Variants in GALNTL6 observed in about 807,000 individuals in gnomAD.
GALNTL6 encodes the protein polypeptide N-acetylgalactosaminyltransferase-like 6.
A neutral mutation model predicts 73.7 loss-of-function variants in GALNTL6; 46 were observed. That is an observed-to-expected ratio of 0.62 (90% CI 0.49 to 0.80). The LOEUF (loss-of-function observed/expected upper bound fraction) is 0.80. GALNTL6 is among the 30% of genes least tolerant of loss of function. The probability of loss-of-function intolerance (pLI) is 0.00; values close to 1 mark genes in which losing one functional copy is unlikely to be tolerated. For synonymous variants in GALNTL6, 259 were observed against 263.7 expected (o/e 0.98, Z 0.17); for missense variants, 604 against 755.0 (o/e 0.80, Z 2.34).
intron 2 of GALNTL6, among the ~76,000 whole-genome samples, chr4:171,829,648 A>G (rs904765571): frequency 5.3e-5 from 8 of 151,988 alleles, no homozygotes; most frequent in African/African-American, 1.7e-4. Flanking sequence ...CTAATCTCCC[A>G]TGTTTGCATT....
chr4:172,493,491 G>T (rs1182885146), intron 5 of GALNTL6, among the ~76,000 whole-genome samples: 1 of 152,150 alleles, frequency 6.6e-6, no homozygotes, highest in East Asian at 1.9e-4. Flanking sequence ...GAAGGTTACA[G>T]ATTCGTTTCC....
intron 5 of GALNTL6, among the ~76,000 whole-genome samples, chr4:172,466,230 T>G (rs1311243971): frequency 1.3e-5 from 2 of 152,198 alleles, no homozygotes; most frequent in African/African-American, 4.8e-5. Context: ...AAAAAGCGTT[T>G]CTTTTACATA....
At chr4:172,541,293 T>C (rs1298133827) in intron 5 of GALNTL6, among the ~76,000 whole-genome samples, 2 of 152,230 alleles carry the variant, frequency 1.3e-5, no homozygotes, top group East Asian at 3.8e-4. Context: ...GTTAGTCTTA[T>C]GATCTCTATT....
chr4:172,259,867 C>G (rs1738198784), intron 3 of GALNTL6, among the ~76,000 whole-genome samples: 1 of 151,626 alleles, frequency 6.6e-6, no homozygotes, highest in Non-Finnish European at 1.5e-5. Context: ...ACTATGGTAT[C>G]CTTTCCCTAA....
intron 2 of GALNTL6, among the ~76,000 whole-genome samples, chr4:171,839,468 C>T (rs745757145): frequency 1.6e-4 from 25 of 152,012 alleles, no homozygotes; most frequent in Non-Finnish European, 1.5e-4. Flanking sequence ...AAATTTATGT[C>T]TCTTTTCTAC....
At chr4:172,026,246 T>G (rs1741573125) in intron 2 of GALNTL6, among the ~76,000 whole-genome samples, 1 of 152,108 alleles carries the variant, frequency 6.6e-6, no homozygotes. Context: ...CATATTTTTA[T>G]GCTATTCTAG....
intron 5 of GALNTL6, among the ~76,000 whole-genome samples, chr4:172,807,767 A>G (rs1741050232): frequency 2.0e-5 from 3 of 152,278 alleles, no homozygotes; most frequent in South Asian, 4.1e-4. Context: ...AGAGGGGAAC[A>G]TATTTTGAGC....
chr4:172,374,106 A>T (rs112477907), intron 5 of GALNTL6, among the ~76,000 whole-genome samples: 19,680 of 152,092 alleles, frequency 0.13, 1,239 homozygotes, highest in East Asian at 0.17. Flanking sequence ...CATAGTGGAC[A>T]TGGACGATGG....
intron 2 of GALNTL6, among the ~76,000 whole-genome samples, chr4:172,084,307 A>G (rs551068495): frequency 6.6e-6 from 1 of 152,310 alleles, no homozygotes; most frequent in South Asian, 2.1e-4. Context: ...GAAAACACCA[A>G]GAATGCTGGT....
chr4:171,909,574 G>T (rs913857354), intron 2 of GALNTL6, among the ~76,000 whole-genome samples: 1 of 152,116 alleles, frequency 6.6e-6, no homozygotes, highest in African/African-American at 2.4e-5. Flanking sequence ...CAAGCCAAAG[G>T]TCTAATGTAA....
At chr4:172,898,921 T>C (rs1341052610) in intron 8 of GALNTL6, among the ~76,000 whole-genome samples, 1 of 152,194 alleles carries the variant, frequency 6.6e-6, no homozygotes, top group Non-Finnish European at 1.5e-5. Flanking sequence ...TATCTATAGA[T>C]TCCAGACATT....
At chr4:171,968,784 T>C (rs1050012680) in intron 2 of GALNTL6, among the ~76,000 whole-genome samples, 1 of 151,628 alleles carries the variant, frequency 6.6e-6, no homozygotes, top group African/African-American at 2.4e-5. Context: ...GTCAGACTTG[T>C]ATGATGTTCC....
At chr4:171,901,347 G>C (rs865781826) in intron 2 of GALNTL6, among the ~76,000 whole-genome samples, 9 of 152,096 alleles carry the variant, frequency 5.9e-5, no homozygotes, top group African/African-American at 1.9e-4. Context: ...CCCCACAAAG[G>C]CCTTCTGAAG....
At chr4:172,065,446 A>G (rs1487205957) in intron 2 of GALNTL6, among the ~76,000 whole-genome samples, 1 of 152,162 alleles carries the variant, frequency 6.6e-6, no homozygotes, top group Non-Finnish European at 1.5e-5. Context: ...CCTGCACTGT[A>G]TTACTCCAAC....
At chr4:172,009,645 T>C (rs1183971128) in intron 2 of GALNTL6, among the ~76,000 whole-genome samples, 1 of 152,114 alleles carries the variant, frequency 6.6e-6, no homozygotes, top group African/African-American at 2.4e-5. Flanking sequence ...AATGTGGTTT[T>C]GTGGTATATT....
At chr4:172,764,258 G>C (rs1289728096) in intron 5 of GALNTL6, among the ~76,000 whole-genome samples, 1 of 152,190 alleles carries the variant, frequency 6.6e-6, no homozygotes, top group Non-Finnish European at 1.5e-5. Context: ...CGCCTGGCCA[G>C]TGTTATTTTT....
chr4:172,246,096 A>C (rs1405784099), intron 3 of GALNTL6, among the ~76,000 whole-genome samples: 1 of 152,168 alleles, frequency 6.6e-6, no homozygotes, highest in Non-Finnish European at 1.5e-5. Context: ...TAGATACTAT[A>C]ATAAGATGAG....
chr4:172,759,122 C>G (rs537756315), intron 5 of GALNTL6, among the ~76,000 whole-genome samples: 1 of 152,324 alleles, frequency 6.6e-6, no homozygotes, highest in East Asian at 1.9e-4. Context: ...TGCCCACAAC[C>G]ACAAGAAGAG....
chr4:172,182,416 A>G (rs1398030103), intron 2 of GALNTL6, among the ~76,000 whole-genome samples: 6 of 152,096 alleles, frequency 3.9e-5, no homozygotes, highest in Non-Finnish European at 8.8e-5. Flanking sequence ...CTTAAGCCAC[A>G]TGGGAATCTT....
Sources: gnomAD v4.1 joint callset for allele counts (sites outside exome capture counted in the v4.1 genomes callset) on GRCh38, gnomAD v4.1.1 for gene constraint, MANE v1.5 for transcripts, NCBI Gene and HGNC (gene_info 2026-07-23, HGNC 2026-07-21) for gene names.